MATR3: variants seen among roughly 807,000 people sequenced by gnomAD.
The protein encoded by MATR3 is matrin-3.
MATR3 carries 4 observed loss-of-function variants against 85.5 expected under a neutral mutation model. The ratio of observed to expected loss-of-function variants is 0.05; its 90% CI spans 0.02 to 0.11. MATR3 has a LOEUF of 0.11. Ranked by LOEUF, MATR3 falls within the 10% of genes least tolerant of loss-of-function variation. MATR3 has a pLI of 1.00. For synonymous variants in MATR3, 336 were observed against 343.1 expected, an observed-to-expected ratio of 0.98 and a Z score of 0.23; for missense variants, 685 against 1,016.1, an observed-to-expected ratio of 0.67 and a Z score of 4.43.
Position 139,294,473 on chromosome 5 carries a change from A to ACGCGCG in MATR3, c.-178+679_-178+684dup, listed in dbSNP as rs545311713. On this transcript the variant is annotated intron_variant, in intron 1 of 14. Transcript: ENST00000394805. Reference sequence around the variant, plus strand: ...GCGCCCCCTAAGACTCCCGGCCCACACGCGCGCGCGCGCGCGGCGTTAGCT... The same window carrying ACGCGCG: ...GCGCCCCCTAAGACTCCCGGCCCACACGCGCGCGCGCGCGCGCGCGCGGCGTTAGCT... 4.0e-5 allele frequency: 6 copies of ACGCGCG among 151,174 alleles called. No homozygotes were observed. In the South Asian group the frequency reaches 1.3e-3, roughly 32 times the overall value. The allele number at this position is 151,174 out of a possible 1,614,324, so 9.4% of individuals were successfully genotyped here.
At chr5:139,320,047 G>A (rs1442227048) in intron 9 of MATR3, among the ~76,000 whole-genome samples, 3 of 148,538 alleles carry the variant, frequency 2.0e-5, no homozygotes, top group African/African-American at 5.0e-5. Flanking sequence ...AGTGGCTCAC[G>A]CCTGTAATCC....
At chr5:139,309,714 A>G (rs775822799) in intron 2 of MATR3, among the ~76,000 whole-genome samples, 12 of 152,148 alleles carry the variant, frequency 7.9e-5, no homozygotes, top group Non-Finnish European at 1.3e-4. Flanking sequence ...TTTGGGTGTT[A>G]CCTTTTCCTA....
upstream of MATR3, among the ~76,000 whole-genome samples, chr5:139,290,877 C>T (rs1182587671): frequency 6.6e-6 from 1 of 152,168 alleles, no homozygotes; most frequent in East Asian, 1.9e-4. Context: ...ATTCATGTGT[C>T]CCCAACTGAA....
chr5:139,302,289 G>GAT, intron 1 of MATR3, among the ~76,000 whole-genome samples: 1 of 152,072 alleles, frequency 6.6e-6, no homozygotes, highest in Non-Finnish European at 1.5e-5. Context: ...AGCCACTCAA[G>GAT]GTACATGCCA....
chr5:139,298,196 C>G (rs1327266891), intron 1 of MATR3, among the ~76,000 whole-genome samples: 1 of 152,154 alleles, frequency 6.6e-6, no homozygotes, highest in East Asian at 1.9e-4. Context: ...ACACGGGAAC[C>G]TATACCATAT....
chr5:139,293,595 G>A, upstream of MATR3: 1 of 185,196 alleles, frequency 5.4e-6, no homozygotes, highest in Non-Finnish European at 1.1e-5. Flanking sequence ...CGAGCGAGGT[G>A]CGCGCGCTGA....
At chr5:139,276,267 T>A (rs1753272476) in intron 2 of MATR3, 3 of 454,224 alleles carry the variant, frequency 6.6e-6, no homozygotes, top group African/African-American at 6.0e-5. Context: ...TGGTTGGCAT[T>A]CTGGCCCTGG....
intron 2 of MATR3, chr5:139,276,277 G>A (rs752379679): frequency 3.3e-5 from 15 of 452,816 alleles, no homozygotes; most frequent in Non-Finnish European, 6.3e-5. Context: ...TCTGGCCCTG[G>A]TTCATGCCAA....
chr5:139,323,929 T>C (rs1755709494), intron 12 of MATR3, among the ~76,000 whole-genome samples: 1 of 152,092 alleles, frequency 6.6e-6, no homozygotes, highest in African/African-American at 2.4e-5. Context: ...ATTTTTGCCA[T>C]CCTATTCCAT....
intron 3 of MATR3, chr5:139,285,436 C>T (rs1338594536): frequency 6.6e-6 from 1 of 152,154 alleles, no homozygotes; most frequent in Admixed American, 6.6e-5. Context: ...ATTAAAATTC[C>T]TCAATGCTTG....
In MATR3 at chr5:139,322,680, T is replaced by G. The variant is rs376261978; in HGVS notation, c.1861T>G (p.Ser621Ala). ...TGATGGTTCCCAGAAGACTGAGAGT[T>G]CAACCGAAGGTAAAGAACAAGAAGA... ...KTDGSQKTES[S>A]TEGKEQEEKS... The change falls in exon 12 of 15, where the codon TCA becomes GCA. Residue 621 changes from serine to alanine, a missense_variant. By Grantham distance (99) the Ser-to-Ala change is moderately conservative (BLOSUM62 1). Around this residue, in one of 9 missense-constraint regions of MATR3, gnomAD observed 215 missense variants for 194.7 expected, o/e 1.10. Transcript: ENST00000394805. The G allele has an allele frequency of 6.2e-7, 1 of 1,614,040 alleles. No individual in the cohort carries two copies. Among genetic ancestry groups the G allele is most frequent in the Non-Finnish European group, 8.5e-7 (1 of 1,180,040 alleles).
At chr5:139,288,771 G>C (rs1280379523), upstream of MATR3, among the ~76,000 whole-genome samples, 1 of 152,130 alleles carries the variant, frequency 6.6e-6, no homozygotes, top group Non-Finnish European at 1.5e-5. Context: ...CTCCCGAGTA[G>C]CTGGGACTAC....
At chr5:139,291,410 G>T (rs747250448), upstream of MATR3, among the ~76,000 whole-genome samples, 6 of 152,360 alleles carry the variant, frequency 3.9e-5, no homozygotes, top group South Asian at 6.2e-4. Context: ...CTAATATATT[G>T]ACACAGTAGG....
rs1481395643 is a variant in MATR3 at position 139,329,475 on chromosome 5, TGATA to T, written c.*82_*85del. On this transcript the variant is annotated 3_prime_UTR_variant, in exon 15 of 15. Coordinates refer to ENST00000394805, the MANE Select transcript of MATR3 (RefSeq NM_018834.6). Reference sequence around the variant, plus strand: ...TGTTAACCTTTTTTAAATACAATACTGATAGTTAGAAGAAAACTATTGTACTCTT... The same window carrying T: ...TGTTAACCTTTTTTAAATACAATACTGTTAGAAGAAAACTATTGTACTCTT... 2.4e-5 allele frequency: 27 copies of T among 1,141,064 alleles called. No individual in the cohort carries two copies. The highest frequency in any genetic ancestry group is 5.3e-6 in the Non-Finnish European group (4 of 759,870). 70.7% of individuals were successfully genotyped at this position (1,141,064 alleles called of 1,614,324 possible). A position where few individuals can be genotyped will look rare whatever the true frequency, so the allele number is the denominator to read the frequency against.
At chr5:139,325,181 A>G in intron 12 of MATR3, 1 of 1,407,132 alleles carries the variant, frequency 7.1e-7, no homozygotes, top group South Asian at 1.5e-5. Flanking sequence ...CGACAGAGCA[A>G]GACTCCGTCT....
intron 9 of MATR3, 110 bp from the exon 10 acceptor site, chr5:139,321,788 A>AG (rs1271293100): frequency 5.7e-6 from 1 of 173,964 alleles, no homozygotes; most frequent in Non-Finnish European, 1.3e-5. Flanking sequence ...GTCTCAAAAA[A>AG]GAAAAAAAGT....
chr5:139,312,242 C>G (rs1027844232), intron 2 of MATR3: 10 of 152,294 alleles, frequency 6.6e-5, no homozygotes, highest in African/African-American at 2.2e-4. Flanking sequence ...GCTCAAGTGA[C>G]GCATGTACCA....
At chr5:139,312,994 A>G (rs1755065687) in intron 2 of MATR3, 1 of 148,914 alleles carries the variant, frequency 6.7e-6, no homozygotes. Context: ...ATAGGAATGT[A>G]CCTAAACTGT....
chr5:139,323,125 A>G lies in MATR3; in HGVS notation c.2148+158A>G, dbSNP rs181117397. On this transcript the variant is annotated intron_variant, in intron 12 of 14. Transcript: ENST00000394805. ...TAAACATTTAAATCTAAACTCTGCAATAAATAATTAAATAAGACATTTTAT... is the reference window on the plus strand; with the variant it reads ...TAAACATTTAAATCTAAACTCTGCAGTAAATAATTAAATAAGACATTTTAT... Among the ~76,000 whole-genome samples, 581 of 152,362 alleles carry G rather than the reference A, an allele frequency of 3.8e-3. 2 individuals are homozygous for G. The highest frequency in any genetic ancestry group is 0.013 in the African/African-American group (551 of 41,586).
Sources: allele counts gnomAD v4.1 joint callset (sites outside exome capture counted in the v4.1 genomes callset), GRCh38; gene constraint gnomAD v4.1.1; regional missense constraint gnomAD v4.1.1; transcripts MANE v1.5; gene names NCBI Gene and HGNC (gene_info 2026-07-23, HGNC 2026-07-21).